The following DBF4B variants were observed in gnomAD, a reference collection of about 807,000 sequenced individuals.
DBF4B encodes the protein protein DBF4 homolog B.
In DBF4B, 49 loss-of-function variants were observed where a neutral mutation model predicts 53.4. That is an observed-to-expected ratio of 0.92 (90% CI 0.73 to 1.16). The LOEUF (loss-of-function observed/expected upper bound fraction) is 1.16. Among genes scored for constraint, DBF4B ranks in the 50% most tolerant of loss-of-function variants. DBF4B has a pLI of 0.00. For synonymous variants in DBF4B, 257 were observed against 288.7 expected, an observed-to-expected ratio of 0.89 and a Z score of 1.11; for missense variants, 692 against 775.0, an observed-to-expected ratio of 0.89 and a Z score of 1.27.
intron 2 of DBF4B, among the ~76,000 whole-genome samples, chr17:44,721,601 A>G (rs1466015356): frequency 6.6e-6 from 1 of 151,964 alleles, no homozygotes; most frequent in Non-Finnish European, 1.5e-5. Flanking sequence ...ATTATACTTC[A>G]ATGGTTTTTC....
rs1245426188 is a variant in DBF4B, at chr17:44,728,144, T to TG, written c.226-1759dup. The stretch of plus-strand genomic sequence containing the variant: ...GTCACCTGGGCTGGAAAGACCAAGA[T>TG]GGCCTCACTCACACATCTGGCACTC... On this transcript the variant is annotated intron_variant, in intron 3 of 13. Transcript: ENST00000315005. Among the ~76,000 whole-genome samples the TG allele has an allele frequency of 5.9e-5, 9 of 152,280 alleles. No individual in the cohort carries two copies. In the South Asian group the frequency reaches 1.9e-3, roughly 32 times the overall value.
intron 3 of DBF4B, among the ~76,000 whole-genome samples, chr17:44,724,979 G>A (rs530125932): frequency 2.6e-5 from 4 of 152,236 alleles, no homozygotes; most frequent in Admixed American, 2.6e-4. Flanking sequence ...AGCCGGGTGT[G>A]GCGGCACATG....
At position 44,747,373 on chromosome 17, in the gene DBF4B, C is replaced by T; in HGVS notation, c.940-18C>T. 1.9e-6 allele frequency: 3 copies of T among 1,613,318 alleles called. No individual in the cohort carries two copies. Among genetic ancestry groups the T allele is most frequent in the Non-Finnish European group, 1.7e-6 (2 of 1,179,754 alleles). Reference sequence around the variant, plus strand: ...CAGGCCTCATCTAATGCCCTGTGCTCCTCTCCCCCGCCGGCAGCATCTTCA... The same window carrying T: ...CAGGCCTCATCTAATGCCCTGTGCTTCTCTCCCCCGCCGGCAGCATCTTCA... On this transcript the variant is annotated intron_variant, in intron 11 of 13. Coordinates refer to ENST00000315005, the MANE Select transcript of DBF4B (RefSeq NM_145663.3).
At chr17:44,746,691 C>T (rs931349932) in intron 10 of DBF4B, among the ~76,000 whole-genome samples, 2 of 151,448 alleles carry the variant, frequency 1.3e-5, no homozygotes, top group Non-Finnish European at 3.0e-5. Context: ...TTGTGGCGGG[C>T]GCCTGTAATC....
At position 44,749,520 on chromosome 17, in the gene DBF4B, T is replaced by C. The variant is rs1320176084; in HGVS notation, c.1189+1055T>C. 8.0e-7 allele frequency: 1 copy of C among 1,250,754 alleles called. No individual in the cohort carries two copies. The highest frequency in any genetic ancestry group is 1.5e-5 in the African/African-American group (1 of 64,632). 77.5% of individuals were successfully genotyped at this position (1,250,754 alleles called of 1,614,324 possible). ...CCAGCAAGCAGCTGTCACGCTCAGC[T>C]CCATGGAGCTGACAGAGCCACCCCT... On this transcript the variant is annotated intron_variant, in intron 13 of 13. Transcript: ENST00000315005. The surrounding 1 kb of genome is among the most constrained non-coding windows in gnomAD (Gnocchi z 4.4).
chr17:44,737,412 A>G (rs1449794567), intron 8 of DBF4B, among the ~76,000 whole-genome samples: 1 of 152,224 alleles, frequency 6.6e-6, no homozygotes, highest in Non-Finnish European at 1.5e-5. Flanking sequence ...CATGCTCAAA[A>G]TTCAAGGAAG....
chr17:44,742,312 AGGCAGGAGAATGGCTTGAACCC>A (rs1188144995), intron 10 of DBF4B, among the ~76,000 whole-genome samples: 1 of 150,248 alleles, frequency 6.7e-6, no homozygotes, highest in Admixed American at 6.7e-5. Flanking sequence ...TGGGAGGCTG[AGGCAGGAGAATGGCTTGAACCC>A]GGCAGGCGGA....
At chr17:44,725,681 C>CTT (rs1568172432) in intron 3 of DBF4B, among the ~76,000 whole-genome samples, 1 of 79,096 alleles carries the variant, frequency 1.3e-5, no homozygotes, top group Non-Finnish European at 2.5e-5. Flanking sequence ...TTTTTTTGTG[C>CTT]TTCTTTTTTT....
chr17:44,718,181 C>T (rs1474857367), intron 2 of DBF4B, among the ~76,000 whole-genome samples: 15 of 152,036 alleles, frequency 9.9e-5, no homozygotes, highest in Admixed American at 9.8e-4. Context: ...CCTGTAATCC[C>T]AGCACTTTGG....
intron 2 of DBF4B, among the ~76,000 whole-genome samples, chr17:44,716,963 G>T (rs1270851615): frequency 6.6e-6 from 1 of 152,056 alleles, no homozygotes; most frequent in Non-Finnish European, 1.5e-5. Flanking sequence ...TCTCTTGCCT[G>T]TTGTCTTCTT....
At chr17:44,747,285 C>T (rs1410181976) in intron 11 of DBF4B, 94 bp downstream of exon 11, 2 of 1,592,508 alleles carry the variant, frequency 1.3e-6, no homozygotes, top group Non-Finnish European at 1.7e-6. Flanking sequence ...CTCTATGCTG[C>T]TATGGCTGTC....
At chr17:44,722,735 G>A in intron 2 of DBF4B, 145 bp from the exon 3 acceptor site, 1 of 826,730 alleles carries the variant, frequency 1.2e-6, no homozygotes, top group Non-Finnish European at 1.9e-6. Flanking sequence ...CTGAGGGTAA[G>A]GGCATTGGCT....
At chr17:44,719,282 C>T (rs1245083200) in intron 2 of DBF4B, among the ~76,000 whole-genome samples, 1 of 151,604 alleles carries the variant, frequency 6.6e-6, no homozygotes, top group East Asian at 1.9e-4. Context: ...TTTTTCTTAA[C>T]AGCTTTTTTG....
At chr17:44,737,422 G>C (rs1975561886) in intron 8 of DBF4B, among the ~76,000 whole-genome samples, 2 of 152,216 alleles carry the variant, frequency 1.3e-5, no homozygotes, top group Admixed American at 6.6e-5. Flanking sequence ...ATTCAAGGAA[G>C]TCTGTAGGGG....
chr17:44,733,284 A>G (rs1025846243), intron 6 of DBF4B, among the ~76,000 whole-genome samples: 2 of 152,244 alleles, frequency 1.3e-5, no homozygotes, highest in South Asian at 4.1e-4. Flanking sequence ...TTGAGCCTCA[A>G]AGGGATTAGG....
chr17:44,742,815 C>A (rs932025133), intron 10 of DBF4B, among the ~76,000 whole-genome samples: 1 of 152,020 alleles, frequency 6.6e-6, no homozygotes, highest in Non-Finnish European at 1.5e-5. Context: ...AGAATTTGAA[C>A]CCTCATTAAC....
At position 44,749,666 on chromosome 17, in the gene DBF4B, G is replaced by T; in HGVS notation, c.1190-929G>T. 1 of 1,167,806 alleles carries T rather than the reference G, an allele frequency of 8.6e-7. No homozygotes were observed. The highest frequency in any genetic ancestry group is 1.7e-5 in the South Asian group (1 of 58,438). 72.3% of individuals were successfully genotyped at this position (1,167,806 alleles called of 1,614,324 possible). ...TGGGCTTGCCCAGCTGAGGCTGGCC[G>T]CCCACGCCAGGAGGCAGAGGCGAAG... On this transcript the variant is annotated intron_variant, in intron 13 of 13. Transcript: ENST00000315005. The surrounding 1 kb of genome is among the most constrained non-coding windows in gnomAD (Gnocchi z 4.4).
chr17:44,730,606 TC>T (rs1974747534), intron 4 of DBF4B, among the ~76,000 whole-genome samples: 1 of 152,322 alleles, frequency 6.6e-6, no homozygotes, highest in African/African-American at 2.4e-5. Flanking sequence ...AGATGGGACT[TC>T]CTACGAGCAA....
At chr17:44,739,073 G>A (rs1975742085) in intron 9 of DBF4B, among the ~76,000 whole-genome samples, 1 of 152,074 alleles carries the variant, frequency 6.6e-6, no homozygotes, top group South Asian at 2.1e-4. Context: ...TAGAATCCAG[G>A]TGTCCTGCCT....
Sources: allele counts gnomAD v4.1 joint callset (sites outside exome capture counted in the v4.1 genomes callset), GRCh38; gene constraint gnomAD v4.1.1; non-coding constraint Gnocchi (gnomAD v3.1); transcripts MANE v1.5; gene names NCBI Gene and HGNC (gene_info 2026-07-23, HGNC 2026-07-21).